Variants in ARHGAP10 observed in about 807,000 individuals in gnomAD.
ARHGAP10 encodes Rho GTPase activating protein 10, also known as rho GTPase-activating protein 10.
Under a neutral mutation model 108.6 loss-of-function variants are expected in ARHGAP10, and 87 were observed. The observed-to-expected ratio is 0.80, with a 90% CI of 0.67 to 0.96. The LOEUF is 0.96. Among genes scored for constraint, ARHGAP10 ranks in the 40% least tolerant of loss-of-function variants. ARHGAP10 has a pLI of 0.00. For missense variants in ARHGAP10, 939 were observed against 954.5 expected, an observed-to-expected ratio of 0.98 and a Z score of 0.21; for synonymous variants, 347 against 341.1, an observed-to-expected ratio of 1.02 and a Z score of -0.19.
At position 147,854,673 on chromosome 4, in the gene ARHGAP10, C is replaced by T. The variant is rs890363719; in HGVS notation, c.385-2880C>T. 3 of 980,146 alleles carry T rather than the reference C, an allele frequency of 3.1e-6. No individual in the cohort carries two copies. The African/African-American group carries it at 5.3e-5, about 17-fold the overall frequency. The allele number at this position is 980,146 out of a possible 1,614,324, so 60.7% of individuals were successfully genotyped here. A position where few individuals can be genotyped will look rare whatever the true frequency, so the allele number is the denominator to read the frequency against. On this transcript the variant is annotated intron_variant, in intron 4 of 22. Coordinates refer to ENST00000336498, the MANE Select transcript of ARHGAP10 (RefSeq NM_024605.4). Reference sequence around the variant, plus strand: ...GTTTCCTTTGAAATTTGTATCATTTCAGCACAAGAAATCATATGAGCACAA... The same window carrying T: ...GTTTCCTTTGAAATTTGTATCATTTTAGCACAAGAAATCATATGAGCACAA...
At chr4:147,924,817 T>TG (rs1737397036) in intron 13 of ARHGAP10, among the ~76,000 whole-genome samples, 1 of 152,170 alleles carries the variant, frequency 6.6e-6, no homozygotes. Flanking sequence ...GGGGTTGTTG[T>TG]GAGAACTAAA....
intron 1 of ARHGAP10, among the ~76,000 whole-genome samples, chr4:147,739,850 C>T (rs897149119): frequency 6.6e-6 from 1 of 151,564 alleles, no homozygotes; most frequent in African/African-American, 2.4e-5. Context: ...ATTCTCCCGC[C>T]TCAGCCTCCC....
At chr4:147,850,240 G>A (rs1429120054) in intron 4 of ARHGAP10, among the ~76,000 whole-genome samples, 1 of 152,208 alleles carries the variant, frequency 6.6e-6, no homozygotes, top group African/African-American at 2.4e-5. Flanking sequence ...GGATTAATCA[G>A]CGCTCTGTAA....
At chr4:147,735,942 A>G (rs1170612350) in intron 1 of ARHGAP10, among the ~76,000 whole-genome samples, 1 of 152,226 alleles carries the variant, frequency 6.6e-6, no homozygotes, top group Non-Finnish European at 1.5e-5. Context: ...GGTAGATAGC[A>G]CAGTTGCCAG....
intron 1 of ARHGAP10, among the ~76,000 whole-genome samples, chr4:147,809,752 C>T (rs929861390): frequency 6.6e-5 from 10 of 152,140 alleles, no homozygotes; most frequent in Non-Finnish European, 1.5e-5. Context: ...GACTCAAGTG[C>T]ATGACATTTA....
chr4:147,791,138 GTC>G (rs1579050445), intron 1 of ARHGAP10, among the ~76,000 whole-genome samples: 4 of 146,120 alleles, frequency 2.7e-5, no homozygotes, highest in African/African-American at 1.0e-4. Flanking sequence ...TTGAGACAGA[GTC>G]TCTCTTTGTC....
At chr4:148,030,070 C>G (rs1728072249) in intron 19 of ARHGAP10, among the ~76,000 whole-genome samples, 1 of 149,460 alleles carries the variant, frequency 6.7e-6, no homozygotes, top group Non-Finnish European at 1.5e-5. Context: ...GTAATTTTAA[C>G]TGTGCTTCTG....
chr4:147,804,330 G>A (rs1375908046), intron 1 of ARHGAP10, among the ~76,000 whole-genome samples: 1 of 152,108 alleles, frequency 6.6e-6, no homozygotes. Context: ...GGACATGATG[G>A]TGTTCTTTTT....
intron 3 of ARHGAP10, among the ~76,000 whole-genome samples, chr4:147,832,208 C>G (rs888664865): frequency 1.3e-5 from 2 of 152,040 alleles, no homozygotes; most frequent in Non-Finnish European, 2.9e-5. Flanking sequence ...TCTGCTGTTT[C>G]ACTAGGGAAA....
chr4:148,018,726 A>G (rs1324388956), intron 18 of ARHGAP10, among the ~76,000 whole-genome samples: 1 of 152,216 alleles, frequency 6.6e-6, no homozygotes, highest in Admixed American at 6.5e-5. Context: ...AGACAGTACT[A>G]GCTGGTAGTA....
intron 13 of ARHGAP10, among the ~76,000 whole-genome samples, chr4:147,934,480 C>T (rs1449779611): frequency 6.6e-6 from 1 of 152,170 alleles, no homozygotes; most frequent in East Asian, 1.9e-4. Context: ...TTGGTGATGC[C>T]ACTCCTCTAT....
chr4:147,822,559 G>T (rs577539752), intron 1 of ARHGAP10, among the ~76,000 whole-genome samples, 168 bp from the exon 2 acceptor site: 20 of 152,356 alleles, frequency 1.3e-4, no homozygotes, highest in Admixed American at 3.3e-4. Context: ...TACCCAGAGC[G>T]TGCCAGGTTG....
intron 18 of ARHGAP10, among the ~76,000 whole-genome samples, chr4:147,987,081 T>C (rs999398921): frequency 1.2e-4 from 18 of 152,190 alleles, no homozygotes; most frequent in African/African-American, 3.9e-4. Context: ...CTCAAATATA[T>C]TTTCAGAAAT....
At chr4:147,822,690 A>G in intron 1 of ARHGAP10, 37 bp from the exon 2 acceptor site, 2 of 1,590,050 alleles carry the variant, frequency 1.3e-6, no homozygotes, top group Non-Finnish European at 1.7e-6. Context: ...TTGACATAAA[A>G]CAAGAACCCA....
At chr4:147,925,129 A>G (rs750337340) in intron 13 of ARHGAP10, among the ~76,000 whole-genome samples, 3 of 152,214 alleles carry the variant, frequency 2.0e-5, no homozygotes, top group Non-Finnish European at 2.9e-5. Context: ...TTGAGCATTA[A>G]GATATCCTGA....
chr4:147,798,775 CTCTCTCTATATATATATATA>C (rs1731449074), intron 1 of ARHGAP10, among the ~76,000 whole-genome samples: 3 of 4,358 alleles, frequency 6.9e-4, no homozygotes, highest in African/African-American at 5.9e-4. Context: ...CTCTCTCTCT[CTCTCTCTATATATATATATA>C]TATATATATA....
intron 1 of ARHGAP10, among the ~76,000 whole-genome samples, chr4:147,754,116 G>A (rs1288070835): frequency 6.6e-6 from 1 of 152,148 alleles, no homozygotes; most frequent in African/African-American, 2.4e-5. Flanking sequence ...CTTGCTCATA[G>A]GCACTGAGTC....
intron 18 of ARHGAP10, among the ~76,000 whole-genome samples, chr4:147,975,462 T>G (rs1163105001): frequency 6.6e-6 from 1 of 152,212 alleles, no homozygotes; most frequent in Admixed American, 6.5e-5. Context: ...TGGGTAATTT[T>G]GAAGGAACAG....
intron 1 of ARHGAP10, among the ~76,000 whole-genome samples, chr4:147,813,657 A>G (rs1201748979): frequency 1.3e-5 from 2 of 152,254 alleles, no homozygotes; most frequent in African/African-American, 2.4e-5. Flanking sequence ...AAACACACAG[A>G]GAGAAGCCAA....
Sources: gnomAD v4.1 joint callset for allele counts (sites outside exome capture counted in the v4.1 genomes callset) on GRCh38, gnomAD v4.1.1 for gene constraint, MANE v1.5 for transcripts, NCBI Gene and HGNC (gene_info 2026-07-23, HGNC 2026-07-21) for gene names.